The following RBFOX1 variants were observed in gnomAD, a reference collection of about 807,000 sequenced individuals.
RBFOX1 encodes RNA binding protein fox-1 homolog 1.
A neutral mutation model predicts 57.7 loss-of-function variants in RBFOX1; 8 were observed. The observed-to-expected ratio is 0.14, with a 90% CI of 0.08 to 0.25. The LOEUF (loss-of-function observed/expected upper bound fraction) is 0.25, where lower values mean the gene tolerates loss of function less well. Ranked by LOEUF, RBFOX1 falls within the 10% of genes least tolerant of loss-of-function variation. RBFOX1 has a pLI of 1.00. For synonymous variants in RBFOX1, 326 were observed against 222.4 expected, an observed-to-expected ratio of 1.47 and a Z score of -4.15; for missense variants, 611 against 548.5, an observed-to-expected ratio of 1.11 and a Z score of -1.14.
intron 4 of RBFOX1, among the ~76,000 whole-genome samples, chr16:5,926,851 C>T (rs959102437): frequency 6.6e-6 from 1 of 152,154 alleles, no homozygotes; most frequent in Non-Finnish European, 1.5e-5. Context: ...TCTCAGCAAC[C>T]TGTTAAGTCG....
At position 7,070,412 on chromosome 16, in the gene RBFOX1, C is replaced by T. The variant is rs112048415; in HGVS notation, c.27+18314C>T. ...CGCATACACAGATATATGCATATAC[C>T]GAGTATTCTGATAACAACTTAGAGA... On this transcript the variant is annotated intron_variant, in intron 4 of 15. Transcript: ENST00000550418. 5.1e-3 allele frequency among the ~76,000 whole-genome samples: 775 copies of T among 152,190 alleles called. 3 individuals carry two copies. The highest frequency in any genetic ancestry group is 0.018 in the African/African-American group (737 of 41,516).
rs367640916 is a variant in RBFOX1 at position 6,417,138 on chromosome 16, A to G, written c.-64+100081A>G. On this transcript the variant is annotated intron_variant, in intron 2 of 15. Coordinates refer to ENST00000550418, the MANE Select transcript of RBFOX1 (RefSeq NM_018723.4). ...GCGATTCTCCTGCCTCAGCCTCCCA[A>G]GTAGCTGAGATTACAGGTGTGCGCC... 1.1e-4 allele frequency among the ~76,000 whole-genome samples: 16 copies of G among 152,140 alleles called. No individual in the cohort carries two copies. The East Asian group carries it at 2.5e-3, about 24-fold the overall frequency.
At chr16:5,331,825 T>G (rs1298154232) in intron 1 of RBFOX1, among the ~76,000 whole-genome samples, 1 of 152,264 alleles carries the variant, frequency 6.6e-6, no homozygotes, top group Admixed American at 6.5e-5. Context: ...GGCTTTTGAC[T>G]CATGGCTGGT....
chr16:5,909,574 C>G (rs1002798378), intron 4 of RBFOX1, among the ~76,000 whole-genome samples: 1 of 152,190 alleles, frequency 6.6e-6, no homozygotes, highest in Admixed American at 6.5e-5. Context: ...TTGATCCATG[C>G]AATCTCTCTT....
At chr16:7,181,699 A>T (rs557117209) in intron 4 of RBFOX1, among the ~76,000 whole-genome samples, 1 of 152,020 alleles carries the variant, frequency 6.6e-6, no homozygotes, top group African/African-American at 2.4e-5. Flanking sequence ...AGTAGCTGGG[A>T]CTACAGGTAT....
At chr16:5,921,433 G>A (rs779358113) in intron 4 of RBFOX1, among the ~76,000 whole-genome samples, 1 of 152,154 alleles carries the variant, frequency 6.6e-6, no homozygotes, top group African/African-American at 2.4e-5. Context: ...GGGGGAGTAG[G>A]TTGTAAGGGA....
At chr16:7,520,033 C>T (rs1309721941) in intron 5 of RBFOX1, among the ~76,000 whole-genome samples, 1 of 152,012 alleles carries the variant, frequency 6.6e-6, no homozygotes, top group Non-Finnish European at 1.5e-5. Flanking sequence ...CTACAGGCAC[C>T]CGCCACCATG....
intron 3 of RBFOX1, among the ~76,000 whole-genome samples, chr16:6,896,668 A>G (rs562654649): frequency 5.8e-4 from 88 of 152,294 alleles, no homozygotes; most frequent in African/African-American, 2.0e-3. Flanking sequence ...GGCATCATCA[A>G]CGCCATATAA....
chr16:7,411,576 G>T (rs557455681), intron 4 of RBFOX1, among the ~76,000 whole-genome samples: 1 of 152,142 alleles, frequency 6.6e-6, no homozygotes, highest in African/African-American at 2.4e-5. Flanking sequence ...GAGGGACATC[G>T]TGCAAAATAT....
intron 1 of RBFOX1, among the ~76,000 whole-genome samples, chr16:6,021,667 G>T (rs2095080750): frequency 6.6e-6 from 1 of 152,172 alleles, no homozygotes; most frequent in Middle Eastern, 3.2e-3. Context: ...CGCGGTAGTG[G>T]AAGTGACACC....
chr16:6,009,816 C>CGTGTGTGTGTGTGTGTGTG (rs1555469440), intron 4 of RBFOX1, among the ~76,000 whole-genome samples: 1 of 148,418 alleles, frequency 6.7e-6, no homozygotes, highest in Non-Finnish European at 1.5e-5. Flanking sequence ...GTGTGTGTGT[C>CGTGTGTGTGTGTGTGTGTG]TGTGTGTGTG....
chr16:6,448,590 G>A (rs1172182346), intron 2 of RBFOX1, among the ~76,000 whole-genome samples: 1 of 152,106 alleles, frequency 6.6e-6, no homozygotes, highest in Non-Finnish European at 1.5e-5. Context: ...CTGTGCAGTT[G>A]TGACAACCAA....
chr16:7,529,540 T>C (rs1428834693), intron 5 of RBFOX1, among the ~76,000 whole-genome samples: 2 of 152,224 alleles, frequency 1.3e-5, no homozygotes, highest in African/African-American at 2.4e-5. Context: ...ACCACTATTA[T>C]AATTTCATTG....
chr16:6,189,394 A>AT (rs1411095518), intron 1 of RBFOX1, among the ~76,000 whole-genome samples: 1 of 152,182 alleles, frequency 6.6e-6, no homozygotes, highest in African/African-American at 2.4e-5. Flanking sequence ...AACTCATCAT[A>AT]AACTCCTCAG....
intron 3 of RBFOX1, among the ~76,000 whole-genome samples, chr16:6,670,183 C>T (rs1028538567): frequency 1.4e-4 from 21 of 151,696 alleles, no homozygotes; most frequent in African/African-American, 4.8e-4. Context: ...CCTACATCAG[C>T]TTCCCAAGTA....
At chr16:5,305,870 A>G (rs954976055) in intron 1 of RBFOX1, among the ~76,000 whole-genome samples, 6 of 151,964 alleles carry the variant, frequency 3.9e-5, no homozygotes, top group African/African-American at 1.5e-4. Flanking sequence ...CCAGTCTGGG[A>G]ACATAGTGAG....
intron 3 of RBFOX1, among the ~76,000 whole-genome samples, chr16:6,901,016 C>G (rs935643406): frequency 2.0e-5 from 3 of 152,172 alleles, no homozygotes; most frequent in East Asian, 1.9e-4. Flanking sequence ...TGATATCCCT[C>G]CCATTCACCG....
At position 6,097,164 on chromosome 16, in the gene RBFOX1, C is replaced by A. The variant is rs560634089; in HGVS notation, c.-127+77172C>A. Among the ~76,000 whole-genome samples the A allele has an allele frequency of 2.2e-4, 34 of 152,246 alleles. No homozygotes were observed. The highest frequency in any genetic ancestry group is 8.2e-4 in the African/African-American group (34 of 41,562). Reference sequence around the variant, plus strand: ...TTCTTATATTCTTTCCTGTCTGCTGCCTTGTAAGACGTGACTTTCGCTTTC... The same window carrying A: ...TTCTTATATTCTTTCCTGTCTGCTGACTTGTAAGACGTGACTTTCGCTTTC... On this transcript the variant is annotated intron_variant, in intron 1 of 15. Transcript: ENST00000550418. This position sits in a 1 kb window ranked among gnomAD's most constrained non-coding sequence, Gnocchi z 5.0.
intron 5 of RBFOX1, among the ~76,000 whole-genome samples, chr16:7,534,850 A>G (rs936173711): frequency 6.6e-6 from 1 of 151,872 alleles, no homozygotes; most frequent in Non-Finnish European, 1.5e-5. Flanking sequence ...TTGCCCCGCT[A>G]TGTGTGTGTG....
Sources: gnomAD v4.1 joint callset for allele counts (sites outside exome capture counted in the v4.1 genomes callset) on GRCh38, gnomAD v4.1.1 for gene constraint, Gnocchi (gnomAD v3.1) non-coding constraint, MANE v1.5 for transcripts, NCBI Gene and HGNC (gene_info 2026-07-23, HGNC 2026-07-21) for gene names.